Variants in WDR6 observed in about 807,000 individuals in gnomAD.
WDR6 encodes WD repeat domain 6, also known as tRNA (34-2'-O)-methyltransferase regulator WDR6.
In WDR6, 58 loss-of-function variants were observed where a neutral mutation model predicts 85.6. The ratio of observed to expected loss-of-function variants is 0.68; its 90% CI spans 0.55 to 0.84. WDR6 has a LOEUF of 0.84. Ranked by LOEUF, WDR6 falls within the 40% of genes least tolerant of loss-of-function variation. The probability of loss-of-function intolerance (pLI) is 0.00; values close to 1 mark genes in which losing one functional copy is unlikely to be tolerated. For missense variants in WDR6, 1,310 were observed against 1,476.4 expected (o/e 0.89, Z 1.85); for synonymous variants, 569 against 582.2 (o/e 0.98, Z 0.33).
chr3:49,015,940 G>A lies in WDR6; in HGVS notation c.*652G>A. ...GTGCCCCAGGCCAGAATAAAGAATA[G>A]AGTGTAGAGTGTCCTGGTTGTCTAT... On this transcript the variant is annotated 3_prime_UTR_variant, in exon 6 of 6. Coordinates refer to ENST00000608424, the MANE Select transcript of WDR6 (RefSeq NM_018031.6). 3 of 1,614,190 alleles carry A rather than the reference G, an allele frequency of 1.9e-6. No individual in the cohort carries two copies. Among genetic ancestry groups the A allele is most frequent in the Non-Finnish European group, 2.5e-6 (3 of 1,180,032 alleles).
rs746879171 is a variant in WDR6 at position 49,007,393 on chromosome 3, C to T, written c.-39C>T. The T allele has an allele frequency of 1.9e-6, 3 of 1,590,750 alleles. No individual in the cohort carries two copies. The highest frequency in any genetic ancestry group is 1.1e-5 in the South Asian group (1 of 87,680). On this transcript the variant is annotated 5_prime_UTR_variant, in exon 1 of 6. Coordinates refer to ENST00000608424, the MANE Select transcript of WDR6 (RefSeq NM_018031.6). This position sits in a 1 kb window ranked among gnomAD's most constrained non-coding sequence, Gnocchi z 5.1. ...CTCGTTCTCGCGAGAGTTCAGCTCC[C>T]TTCTTAGCCGTGGCTGCCTCAGCAC... is the stretch of plus-strand genomic sequence containing the variant.
In WDR6 at chr3:49,013,170, G is replaced by A. The variant is rs747795184; in HGVS notation, c.1636G>A (p.Gly546Ser). The change falls in exon 2 of 6, where the codon GGT becomes AGT. Residue 546 changes from glycine to serine, a missense_variant. Gly to Ser is a moderately conservative substitution (Grantham distance 56). Coordinates refer to ENST00000608424, the MANE Select transcript of WDR6 (RefSeq NM_018031.6). The surrounding 1 kb of genome is among the most constrained non-coding windows in gnomAD (Gnocchi z 4.6). ...AGAGAPVVGS[G>S]SSGGGNAFTG... The stretch of plus-strand genomic sequence containing the variant: ...TGCTGGGGCACCTGTAGTGGGTAGT[G>A]GTAGTAGTGGGGGTGGGAATGCTTT... The A allele has an allele frequency of 3.7e-6, 6 of 1,611,920 alleles. No individual in the cohort carries two copies. In the Admixed American group the frequency reaches 1.0e-4, roughly 27 times the overall value.
In WDR6 at chr3:49,014,066, G is replaced by C; in HGVS notation, c.2532G>C (p.Trp844Cys). The C allele has an allele frequency of 6.2e-7, 1 of 1,613,204 alleles. No individual in the cohort carries two copies. The highest frequency in any genetic ancestry group is 8.5e-7 in the Non-Finnish European group (1 of 1,179,978). The change falls in exon 2 of 6, where the codon TGG (tryptophan) becomes TGC (cysteine). Residue 844 changes from tryptophan (W) to cysteine (C), a missense_variant. Physicochemically the swap from Trp to Cys is radical, Grantham distance 215. Coordinates refer to ENST00000608424, the MANE Select transcript of WDR6 (RefSeq NM_018031.6). This position sits in a 1 kb window ranked among gnomAD's most constrained non-coding sequence, Gnocchi z 4.9. ...HLSSHRLDEYWDRQRNRHRMV... is the reference protein window; with the variant it reads ...HLSSHRLDEYCDRQRNRHRMV... ...CGTCCCACCGGCTAGATGAGTATTG[G>C]GACCGGCAACGCAATCGGCATCGGA... is the stretch of plus-strand genomic sequence containing the variant.
Position 49,014,129 on chromosome 3 carries a change from C to T in WDR6, c.2582+13C>T. The T allele has an allele frequency of 2.5e-6, 4 of 1,613,500 alleles. No homozygotes were observed. Among genetic ancestry groups the T allele is most frequent in the Non-Finnish European group, 3.4e-6 (4 of 1,179,554 alleles). ...ACCCAGAGACCAGGTAATATATGCTCCTGGGCAGGGTGTGGTATGGGTCAT... is the reference window on the plus strand; with the variant it reads ...ACCCAGAGACCAGGTAATATATGCTTCTGGGCAGGGTGTGGTATGGGTCAT... On this transcript the variant is annotated intron_variant, in intron 2 of 5. Coordinates refer to ENST00000608424, the MANE Select transcript of WDR6 (RefSeq NM_018031.6). The surrounding 1 kb of genome is among the most constrained non-coding windows in gnomAD (Gnocchi z 4.9).
Position 49,012,909 on chromosome 3 carries a change from G to C in WDR6, c.1375G>C (p.Gly459Arg). Residue 459 changes from glycine to arginine, a missense_variant, in exon 2 of 6, where the codon GGC (glycine) becomes CGC (arginine). Gly to Arg is a moderately radical substitution (Grantham distance 125). Transcript: ENST00000608424. This position sits in a 1 kb window ranked among gnomAD's most constrained non-coding sequence, Gnocchi z 4.4. ...EELLLLASGP[G>R]GVVACLEISA... ...GCTCCTGTTGCTGGCATCGGGCCCT[G>C]GCGGGGTAGTAGCTTGCCTAGAGAT... The C allele has an allele frequency of 6.2e-7, 1 of 1,613,874 alleles. No individual in the cohort carries two copies. Among genetic ancestry groups the C allele is most frequent in the Non-Finnish European group, 8.5e-7 (1 of 1,179,956 alleles).
At chr3:49,010,405 C>CA (rs1169593580) in intron 1 of WDR6, among the ~76,000 whole-genome samples, 48 of 125,782 alleles carry the variant, frequency 3.8e-4, no homozygotes, top group South Asian at 4.9e-4. Context: ...GACTTTGTCT[C>CA]AAAAAAAAAA....
In WDR6 at chr3:49,014,704, C is replaced by G; in HGVS notation, c.2888C>G (p.Pro963Arg). 6.2e-7 allele frequency: 1 copy of G among 1,613,148 alleles called. No individual in the cohort carries two copies. Among genetic ancestry groups the G allele is most frequent in the Non-Finnish European group, 8.5e-7 (1 of 1,179,856 alleles). The change falls in exon 5 of 6, where the codon CCT (proline) becomes CGT (arginine). Residue 963 changes from proline (P) to arginine (R), a missense_variant. Pro to Arg is a moderately radical substitution (Grantham distance 103). Coordinates refer to ENST00000608424, the MANE Select transcript of WDR6 (RefSeq NM_018031.6). The surrounding 1 kb of genome is among the most constrained non-coding windows in gnomAD (Gnocchi z 4.9). The stretch of plus-strand genomic sequence containing the variant: ...ACTGTCCTGGAGCCTCCAGTGGATC[C>G]TGGGCTTCCCTACCGTGAGTAGCTA... ...DSTVLEPPVD[P>R]GLPYRLGTPS...
At chr3:49,011,083 C>T in intron 1 of WDR6, 1 of 445,260 alleles carries the variant, frequency 2.2e-6, no homozygotes, top group Non-Finnish European at 4.5e-6. Flanking sequence ...GAAGCTGAGA[C>T]CAAGGATTTT....
In WDR6 at chr3:49,013,955, G is replaced by A. The variant is rs1023673333; in HGVS notation, c.2421G>A (p.Gly807=). The change falls in exon 2 of 6, where the codon GGG becomes GGA. Residue 807 remains glycine (G), a synonymous_variant. Coordinates refer to ENST00000608424, the MANE Select transcript of WDR6 (RefSeq NM_018031.6). The surrounding 1 kb of genome is among the most constrained non-coding windows in gnomAD (Gnocchi z 4.6). The stretch of plus-strand genomic sequence containing the variant: ...CTGCCCATGTGGTGTCTGCGGGGGG[G>A]CGGGCTGAGATGCACTGCTTCAGCA... The part of the protein sequence containing the change: ...GLTAHVVSAG[G]RAEMHCFSIM... 6.2e-7 allele frequency: 1 copy of A among 1,612,384 alleles called. No homozygotes were observed. Among genetic ancestry groups the A allele is most frequent in the East Asian group, 2.2e-5 (1 of 44,884 alleles).
At chr3:49,009,426 T>A (rs1432515317) in intron 1 of WDR6, among the ~76,000 whole-genome samples, 1 of 150,468 alleles carries the variant, frequency 6.6e-6, no homozygotes, top group Admixed American at 6.7e-5. Flanking sequence ...CAAGTTGGCC[T>A]CCCCTTACAC....
chr3:49,012,820 T>A lies in WDR6; in HGVS notation c.1286T>A (p.Val429Glu). 1 of 1,613,952 alleles carries A rather than the reference T, an allele frequency of 6.2e-7. No individual in the cohort carries two copies. Among genetic ancestry groups the A allele is most frequent in the Non-Finnish European group, 8.5e-7 (1 of 1,179,966 alleles). The change falls in exon 2 of 6, where the codon GTG becomes GAG. Residue 429 changes from valine (V) to glutamate (E), a missense_variant. Coordinates refer to ENST00000608424, the MANE Select transcript of WDR6 (RefSeq NM_018031.6). This position sits in a 1 kb window ranked among gnomAD's most constrained non-coding sequence, Gnocchi z 4.4. ...VVPINTPTAA[V>E]DQTLFPGKVH... ...CCCATCAACACTCCAACTGCTGCTG[T>A]GGACCAGACCCTGTTTCCTGGGAAG... is the stretch of plus-strand genomic sequence containing the variant.
chr3:49,015,134 G>A lies in WDR6; in HGVS notation c.3212G>A (p.Trp1071Ter). The change falls in exon 6 of 6, where the codon TGG becomes TAG. Residue 1071 changes from tryptophan (W) to a stop codon, truncating the protein, a stop_gained. Transcript: ENST00000608424. LOFTEE classifies it high-confidence loss of function. ...TCCATTGATCAACGGCTGACCTTCT[G>A]GCGTCTGGGGCATGGTGAACCCACC... Reference protein sequence around the residue: ...SASIDQRLTFWRLGHGEPTFM... With the variant: ...SASIDQRLTF 6 of 1,613,978 alleles carry A rather than the reference G, an allele frequency of 3.7e-6. No individual in the cohort carries two copies. The highest frequency in any genetic ancestry group is 5.1e-6 in the Non-Finnish European group (6 of 1,180,040).
rs1021502496 is a variant in WDR6 at position 49,007,935 on chromosome 3, GGGA to G, written c.100+422_100+424del. The G allele has an allele frequency of 1.5e-4, 25 of 163,142 alleles. No homozygotes were observed. The highest frequency in any genetic ancestry group is 2.5e-4 in the Non-Finnish European group (19 of 75,204). The allele number at this position is 163,142 out of a possible 1,614,324, so 10.1% of individuals were successfully genotyped here. A position where few individuals can be genotyped will look rare whatever the true frequency, so the allele number is the denominator to read the frequency against. On this transcript the variant is annotated intron_variant, in intron 1 of 5. Coordinates refer to ENST00000608424, the MANE Select transcript of WDR6 (RefSeq NM_018031.6). The surrounding 1 kb of genome is among the most constrained non-coding windows in gnomAD (Gnocchi z 5.1). ...ACGGGGCCGAGCTGGGGGGGGCGGA[GGGA>G]GGAGGAGGAGGAGGAGGCGGAGGCG...
At chr3:49,010,957 C>T (rs1354050497) in intron 1 of WDR6, among the ~76,000 whole-genome samples, 1 of 148,308 alleles carries the variant, frequency 6.7e-6, no homozygotes, top group Non-Finnish European at 1.5e-5. Context: ...ATGGAGGTTG[C>T]AGTGAGCTGC....
At chr3:49,011,394 CTTTT>C in intron 1 of WDR6, 12 of 1,146,910 alleles carry the variant, frequency 1.0e-5, no homozygotes, top group Non-Finnish European at 1.2e-5. Flanking sequence ...CAAGGATTTT[CTTTT>C]TTTTTTTTTT....
In WDR6 at chr3:49,015,444, A is replaced by C; in HGVS notation, c.*156A>C. On this transcript the variant is annotated 3_prime_UTR_variant, in exon 6 of 6. Coordinates refer to ENST00000608424, the MANE Select transcript of WDR6 (RefSeq NM_018031.6). ...CGGTGCAGGAGCTGAAGGTGAGTGG[A>C]GTGCTGCCAAGAATATGCCCGACTC... is the stretch of plus-strand genomic sequence containing the variant. 1 of 1,413,378 alleles carries C rather than the reference A, an allele frequency of 7.1e-7. No homozygotes were observed. 87.6% of individuals were successfully genotyped at this position (1,413,378 alleles called of 1,614,324 possible). A position where few individuals can be genotyped will look rare whatever the true frequency, so the allele number is the denominator to read the frequency against.
At position 49,007,403 on chromosome 3, in the gene WDR6, G is replaced by T. The variant is rs1267365324; in HGVS notation, c.-29G>T. On this transcript the variant is annotated 5_prime_UTR_variant, in exon 1 of 6. Coordinates refer to ENST00000608424, the MANE Select transcript of WDR6 (RefSeq NM_018031.6). The surrounding 1 kb of genome is among the most constrained non-coding windows in gnomAD (Gnocchi z 5.1). ...CGAGAGTTCAGCTCCCTTCTTAGCC[G>T]TGGCTGCCTCAGCACCTCGAGGATC... 1.3e-6 allele frequency: 2 copies of T among 1,598,682 alleles called. No homozygotes were observed. The highest frequency in any genetic ancestry group is 1.7e-6 in the Non-Finnish European group (2 of 1,173,604).
At position 49,014,789 on chromosome 3, in the gene WDR6, G is replaced by A. The variant is rs766523417; in HGVS notation, c.2903-36G>A. The A allele has an allele frequency of 1.8e-5, 29 of 1,603,432 alleles. No individual in the cohort carries two copies. The highest frequency in any genetic ancestry group is 2.7e-5 in the African/African-American group (2 of 74,706). On this transcript the variant is annotated intron_variant, in intron 5 of 5. Transcript: ENST00000608424. This position sits in a 1 kb window ranked among gnomAD's most constrained non-coding sequence, Gnocchi z 4.9. Reference sequence around the variant, plus strand: ...CATAGCCCTCACACATGTGGCAGGCGGGGCCCTGACAACTACCCTCTTCCT... The same window carrying A: ...CATAGCCCTCACACATGTGGCAGGCAGGGCCCTGACAACTACCCTCTTCCT...
Position 49,012,136 on chromosome 3 carries a change from C to G in WDR6, c.602C>G (p.Pro201Arg), listed in dbSNP as rs934834956. 11 of 1,614,076 alleles carry G rather than the reference C, an allele frequency of 6.8e-6. No individual in the cohort carries two copies. Among genetic ancestry groups the G allele is most frequent in the Admixed American group, 6.7e-5 (4 of 60,002 alleles). The change falls in exon 2 of 6, where the codon CCT becomes CGT. Residue 201 changes from proline to arginine, a missense_variant. By Grantham distance (103) the Pro-to-Arg change is moderately radical. Coordinates refer to ENST00000608424, the MANE Select transcript of WDR6 (RefSeq NM_018031.6). The surrounding 1 kb of genome is among the most constrained non-coding windows in gnomAD (Gnocchi z 4.4). ...TALADNKPVA[P>R]DRRISGHVGI... ...TTAGCAGACAACAAACCTGTAGCAC[C>G]TGACCGACGAATCAGTGGGCATGTG...
Sources: allele counts gnomAD v4.1 joint callset (sites outside exome capture counted in the v4.1 genomes callset), GRCh38; gene constraint gnomAD v4.1.1; non-coding constraint Gnocchi (gnomAD v3.1); transcripts MANE v1.5; gene names NCBI Gene and HGNC (gene_info 2026-07-23, HGNC 2026-07-21).